The following RGPD2 variants were observed in gnomAD, a reference collection of about 807,000 sequenced individuals.
RGPD2 encodes the protein RANBP2 like and GRIP domain containing 2, also known as RANBP2-like and GRIP domain-containing protein 2.
A neutral mutation model predicts 36.0 loss-of-function variants in RGPD2; 2 were observed. That is an observed-to-expected ratio of 0.06 (90% confidence interval 0.02 to 0.17). The LOEUF is 0.17. Among genes scored for constraint, RGPD2 ranks in the 10% least tolerant of loss-of-function variants. The pLI is 1.00. For synonymous variants in RGPD2, 19 were observed against 163.8 expected, an observed-to-expected ratio of 0.12 and a Z score of 6.75; for missense variants, 40 against 464.3, an observed-to-expected ratio of 0.09 and a Z score of 8.40.
intron 6 of RGPD2, among the ~76,000 whole-genome samples, chr2:87,807,384 T>TG (rs1558731950): frequency 6.4e-5 from 8 of 125,398 alleles, no homozygotes. Flanking sequence ...TAAATTGTTT[T>TG]TTTTTTTTTT....
At chr2:87,873,314 G>C in the RGPD2 span, among the ~76,000 whole-genome samples, 1 of 144,350 alleles carries the variant, frequency 6.9e-6, no homozygotes, top group Non-Finnish European at 1.5e-5. Context: ...ATGTGTGCAT[G>C]TATCTTTATA....
Position 87,825,024 on chromosome 2 carries a change from T to C in RGPD2, c.72+634A>G, listed in dbSNP as rs1409059761. ...CTATTCCTCATCACTCAGCTAAAAA[T>C]ATTAAATACAAATTACCATCTACCC... On this transcript the variant is annotated intron_variant, in intron 1 of 22. Coordinates refer to ENST00000398146, the MANE Select transcript of RGPD2 (RefSeq NM_001078170.3). The C allele has an allele frequency of 1.1e-4, 45 of 392,940 alleles. 1 individual carries two copies. The highest frequency in any genetic ancestry group is 1.3e-4 in the South Asian group (1 of 7,702). The allele number at this position is 392,940 out of a possible 1,614,324, so 24.3% of individuals were successfully genotyped here.
At chr2:87,851,301 G>A in the RGPD2 span, among the ~76,000 whole-genome samples, 2 of 146,702 alleles carry the variant, frequency 1.4e-5, no homozygotes, top group South Asian at 4.5e-4. Context: ...CAGAAGAATC[G>A]CTTGAACCCG....
chr2:87,824,788 G>GCCGCCGCCGCCGCC (rs1686591624), intron 1 of RGPD2, among the ~76,000 whole-genome samples: 2 of 34,682 alleles, frequency 5.8e-5, no homozygotes, highest in African/African-American at 6.1e-4. Flanking sequence ...CCGAGGCCGA[G>GCCGCCGCCGCCGCC]GCCGAGGCCG....
chr2:87,929,167 G>GT, the RGPD2 span, among the ~76,000 whole-genome samples: 9 of 151,406 alleles, frequency 5.9e-5, no homozygotes, highest in South Asian at 2.1e-4. Context: ...GTCTTCCAGG[G>GT]TTTTTTTTAT....
chr2:87,959,222 T>C, the RGPD2 span, among the ~76,000 whole-genome samples: 8 of 83,220 alleles, frequency 9.6e-5, no homozygotes, highest in South Asian at 5.2e-4. Context: ...GTATAAAACA[T>C]AGTATCTGAT....
At chr2:87,873,028 G>C in the RGPD2 span, among the ~76,000 whole-genome samples, 5 of 152,284 alleles carry the variant, frequency 3.3e-5, no homozygotes, top group Admixed American at 6.5e-5. Context: ...AAAGTGCTAG[G>C]ATTACAGGCA....
At chr2:87,880,370 C>T in the RGPD2 span, among the ~76,000 whole-genome samples, 1 of 132,270 alleles carries the variant, frequency 7.6e-6, no homozygotes, top group Non-Finnish European at 1.6e-5. Context: ...ATAATCATAT[C>T]TAAGTATTCT....
the RGPD2 span, among the ~76,000 whole-genome samples, chr2:87,952,102 T>C: frequency 6.6e-6 from 1 of 152,310 alleles, no homozygotes; most frequent in East Asian, 1.9e-4. Context: ...TATAATAACT[T>C]GATTTGATTG....
chr2:87,809,606 AG>A (rs529559005), intron 6 of RGPD2, among the ~76,000 whole-genome samples: 13 of 135,162 alleles, frequency 9.6e-5, no homozygotes, highest in Non-Finnish European at 1.6e-4. Context: ...GAGGTTCACA[AG>A]GGGGGGTAAC....
chr2:87,771,395 T>TG (rs1406047311), intron 22 of RGPD2: 2 of 28,242 alleles, frequency 7.1e-5, no homozygotes, highest in East Asian at 9.1e-4. Flanking sequence ...TTTTTTTTTT[T>TG]TTTTTTTTTT....
At chr2:87,988,721 A>G in the RGPD2 span, among the ~76,000 whole-genome samples, 1 of 151,316 alleles carries the variant, frequency 6.6e-6, no homozygotes, top group Non-Finnish European at 1.5e-5. Context: ...TTGTATTTTC[A>G]GTAGAGAAAG....
the RGPD2 span, among the ~76,000 whole-genome samples, chr2:87,858,146 T>TG: frequency 5.3e-5 from 8 of 152,108 alleles, no homozygotes; most frequent in African/African-American, 1.7e-4. Flanking sequence ...GGCATGGTGG[T>TG]GCGTGCCTGT....
chr2:87,864,617 G>GATAC, the RGPD2 span, among the ~76,000 whole-genome samples: 524 of 25,848 alleles, frequency 0.02, no homozygotes, highest in Non-Finnish European at 0.033. Flanking sequence ...TAGATAGATA[G>GATAC]ATAGATACAT....
the RGPD2 span, among the ~76,000 whole-genome samples, chr2:87,958,022 GT>G: frequency 6.6e-6 from 1 of 152,256 alleles, no homozygotes; most frequent in South Asian, 2.1e-4. Flanking sequence ...TTAAACATAT[GT>G]TTATTTTTTA....
At chr2:87,877,368 C>G in the RGPD2 span, among the ~76,000 whole-genome samples, 1 of 152,274 alleles carries the variant, frequency 6.6e-6, no homozygotes, top group Non-Finnish European at 1.5e-5. Context: ...TTTAGTGCTT[C>G]CTTTAGAAGC....
chr2:87,802,454 TG>T (rs1685860674), intron 7 of RGPD2, among the ~76,000 whole-genome samples: 1 of 149,978 alleles, frequency 6.7e-6, no homozygotes, highest in Admixed American at 6.6e-5. Flanking sequence ...GTAAATGCAA[TG>T]TTCAAATGTT....
chr2:87,888,214 A>G, the RGPD2 span, among the ~76,000 whole-genome samples: 115 of 151,952 alleles, frequency 7.6e-4, no homozygotes, highest in South Asian at 0.021. Context: ...CTAGATTTCA[A>G]TCTCCACTTC....
chr2:87,884,500 TAA>T, the RGPD2 span, among the ~76,000 whole-genome samples: 17 of 151,886 alleles, frequency 1.1e-4, no homozygotes, highest in Middle Eastern at 3.4e-3. Context: ...ATAAAGAGAA[TAA>T]GAGTTGGCTT....
Sources: gnomAD v4.1 joint callset for allele counts (sites outside exome capture counted in the v4.1 genomes callset) on GRCh38, gnomAD v4.1.1 for gene constraint, MANE v1.5 for transcripts, NCBI Gene and HGNC (gene_info 2026-07-23, HGNC 2026-07-21) for gene names.